Variants in ABI1 observed in about 807,000 individuals in gnomAD.
ABI1 encodes the protein Abelson interactor 1.
In ABI1, 14 loss-of-function variants were observed where a neutral mutation model predicts 54.6. The ratio of observed to expected loss-of-function variants is 0.26; its 90% confidence interval spans 0.17 to 0.40. ABI1 has a LOEUF of 0.40. Among genes scored for constraint, ABI1 ranks in the 10% least tolerant of loss-of-function variants. The pLI is 1.00. For missense variants in ABI1, 443 were observed against 598.3 expected (o/e 0.74, Z 2.71); for synonymous variants, 194 against 209.3 (o/e 0.93, Z 0.63).
intron 1 of ABI1, among the ~76,000 whole-genome samples, chr10:26,856,908 G>C (rs915704346): frequency 1.3e-5 from 2 of 152,118 alleles, no homozygotes; most frequent in Admixed American, 1.3e-4. Flanking sequence ...AGAGCACAGA[G>C]AACTGGCTAA....
intron 2 of ABI1, among the ~76,000 whole-genome samples, chr10:26,808,289 G>C (rs1040566457): frequency 5.9e-5 from 9 of 152,172 alleles, no homozygotes; most frequent in Non-Finnish European, 1.0e-4. Context: ...CAGGAAGAAT[G>C]TTTGGTTGGT....
Position 26,758,011 on chromosome 10 carries a change from T to C in ABI1, c.997+1051A>G, listed in dbSNP as rs114142659. On this transcript the variant is annotated intron_variant, in intron 8 of 10. Transcript: ENST00000376140. ...TGATCCTGGGAGGGTGAGGTTGCAG[T>C]GGACCGAGATCGCGCCACTGCACTC... 3.8e-3 allele frequency among the ~76,000 whole-genome samples: 501 copies of C among 130,132 alleles called. 1 individual carries two copies. Among genetic ancestry groups the C allele is most frequent in the African/African-American group, 0.014 (467 of 33,362 alleles). The allele number at this position is 130,132 out of a possible 152,430, so 85.4% of individuals were successfully genotyped here. A position where few individuals can be genotyped will look rare whatever the true frequency, so the allele number is the denominator to read the frequency against.
At chr10:26,811,463 G>A (rs2047223069) in intron 2 of ABI1, among the ~76,000 whole-genome samples, 1 of 152,074 alleles carries the variant, frequency 6.6e-6, no homozygotes, top group Non-Finnish European at 1.5e-5. Context: ...CCAAAGAAGG[G>A]GAGTTAGGAA....
At chr10:26,788,764 T>C (rs1259482215) in intron 2 of ABI1, among the ~76,000 whole-genome samples, 1 of 151,830 alleles carries the variant, frequency 6.6e-6, no homozygotes, top group East Asian at 1.9e-4. Flanking sequence ...TACAAAAAAT[T>C]AGCTGGGCGT....
intron 2 of ABI1, among the ~76,000 whole-genome samples, chr10:26,793,618 C>T (rs1342949361): frequency 6.6e-6 from 1 of 152,174 alleles, no homozygotes; most frequent in African/African-American, 2.4e-5. Flanking sequence ...TTATATAAGA[C>T]AAACTACTAA....
At chr10:26,795,123 G>A (rs148697855) in intron 2 of ABI1, among the ~76,000 whole-genome samples, 7,941 of 146,706 alleles carry the variant, frequency 0.054, 330 homozygotes, top group East Asian at 0.19. Context: ...CAGCCTGGGC[G>A]ACAGAGCGAG....
chr10:26,828,896 G>A (rs530985263), intron 1 of ABI1, among the ~76,000 whole-genome samples: 29 of 152,268 alleles, frequency 1.9e-4, no homozygotes, highest in African/African-American at 7.0e-4. Context: ...GAAAATCCAG[G>A]TTAAGAAAGA....
chr10:26,810,926 AG>A (rs1428879109), intron 2 of ABI1, among the ~76,000 whole-genome samples: 2 of 151,992 alleles, frequency 1.3e-5, no homozygotes, highest in Non-Finnish European at 2.9e-5. Flanking sequence ...AGAAAGAAAA[AG>A]GGGAAGAGGG....
intron 6 of ABI1, 139 bp downstream of exon 6, chr10:26,768,710 TATA>T: frequency 1.4e-6 from 1 of 691,736 alleles, no homozygotes; most frequent in Non-Finnish European, 2.4e-6. Context: ...CAGGAACATA[TATA>T]ATATTATTCC....
chr10:26,827,597 T>TTG (rs2048387276), intron 1 of ABI1, among the ~76,000 whole-genome samples: 1 of 6,608 alleles, frequency 1.5e-4, no homozygotes, highest in African/African-American at 6.0e-4. Context: ...CTGTTTTTTG[T>TTG]TTTTTTTTTT....
chr10:26,764,749 T>A (rs1363637122), intron 7 of ABI1, among the ~76,000 whole-genome samples: 3 of 152,194 alleles, frequency 2.0e-5, no homozygotes, highest in Non-Finnish European at 4.4e-5. Flanking sequence ...CCCTAAACAA[T>A]ACAGTATAAC....
chr10:26,774,089 TAA>T (rs1841079640), intron 3 of ABI1, among the ~76,000 whole-genome samples: 1 of 152,206 alleles, frequency 6.6e-6, no homozygotes, highest in South Asian at 2.1e-4. Context: ...ATCCCTCATA[TAA>T]ACTGGTGTAG....
In ABI1 at chr10:26,755,647, A is replaced by AT; in HGVS notation, c.1084+7_1084+8insA. ...TACTCTTCCATAGCTCAGTTTTTCC[A>AT]AACTTACTGTTTTCCTGCACCCTGG... is the stretch of plus-strand genomic sequence containing the variant. On this transcript the variant is annotated splice_region_variant and intron_variant, in intron 9 of 10. Coordinates refer to ENST00000376140, the MANE Select transcript of ABI1 (RefSeq NM_001012750.3). 6.2e-7 allele frequency: 1 copy of AT among 1,608,660 alleles called. No homozygotes were observed. The highest frequency in any genetic ancestry group is 8.5e-7 in the Non-Finnish European group (1 of 1,175,252).
intron 6 of ABI1, among the ~76,000 whole-genome samples, chr10:26,766,462 G>C (rs747109958): frequency 6.6e-6 from 1 of 152,146 alleles, no homozygotes; most frequent in Admixed American, 6.5e-5. Flanking sequence ...AATTCAAAGG[G>C]CAAAGATTTG....
chr10:26,805,647 C>T (rs11015299), intron 2 of ABI1, among the ~76,000 whole-genome samples: 10,319 of 152,240 alleles, frequency 0.068, 392 homozygotes, highest in East Asian at 0.14. Flanking sequence ...GGATTGCCAG[C>T]TGTTTACCCT....
At chr10:26,773,607 C>T (rs150697651) in intron 3 of ABI1, among the ~76,000 whole-genome samples, 141 of 152,216 alleles carry the variant, frequency 9.3e-4, no homozygotes, top group African/African-American at 3.0e-3. Context: ...TTAGTTTCTA[C>T]ACTGTTTTAA....
At chr10:26,828,041 C>T (rs1321245217) in intron 1 of ABI1, among the ~76,000 whole-genome samples, 4 of 152,344 alleles carry the variant, frequency 2.6e-5, no homozygotes, top group East Asian at 3.9e-4. Flanking sequence ...TTGCCTTCCT[C>T]GCTAAGCTCC....
At position 26,748,187 on chromosome 10, in the gene ABI1, A is replaced by G. The variant is rs1282802565; in HGVS notation, c.*383T>C. 8.8e-6 allele frequency: 2 copies of G among 226,812 alleles called. No individual in the cohort carries two copies. Among genetic ancestry groups the G allele is most frequent in the Admixed American group, 5.7e-5 (1 of 17,610 alleles). The allele number at this position is 226,812 out of a possible 1,614,324, so 14.0% of individuals were successfully genotyped here. A position where few individuals can be genotyped will look rare whatever the true frequency, so the allele number is the denominator to read the frequency against. On this transcript the variant is annotated 3_prime_UTR_variant, in exon 11 of 11. Coordinates refer to ENST00000376140, the MANE Select transcript of ABI1 (RefSeq NM_001012750.3). ...AAGTCTGACCAGCACCAGCATTTAA[A>G]TTTTCTGATTTTAATATTAGTCTGA...
At chr10:26,836,005 A>G (rs1027164910) in intron 1 of ABI1, among the ~76,000 whole-genome samples, 1 of 152,084 alleles carries the variant, frequency 6.6e-6, no homozygotes, top group African/African-American at 2.4e-5. Context: ...CTCCTGCCTC[A>G]GCCTCCTAAA....
Sources: gnomAD v4.1 joint callset for allele counts (sites outside exome capture counted in the v4.1 genomes callset) on GRCh38, gnomAD v4.1.1 for gene constraint, MANE v1.5 for transcripts, NCBI Gene and HGNC (gene_info 2026-07-23, HGNC 2026-07-21) for gene names.